The following THSD4 variants were observed in gnomAD, a reference collection of about 807,000 sequenced individuals.
THSD4 encodes thrombospondin type-1 domain-containing protein 4.
Under a neutral mutation model 119.0 loss-of-function variants are expected in THSD4, and 69 were observed. The observed-to-expected ratio is 0.58, with a 90% confidence interval of 0.48 to 0.71. The LOEUF (loss-of-function observed/expected upper bound fraction) is 0.71. Among genes scored for constraint, THSD4 ranks in the 30% least tolerant of loss-of-function variants. The pLI is 0.00. For synonymous variants in THSD4, 524 were observed against 540.4 expected (o/e 0.97, Z 0.42); for missense variants, 1,393 against 1,391.1 (o/e 1.00, Z -0.02).
chr15:71,661,401 A>AT (rs397797003), intron 8 of THSD4, among the ~76,000 whole-genome samples: 17,126 of 148,914 alleles, frequency 0.12, 1,034 homozygotes, highest in East Asian at 0.19. Context: ...TTATTTATTT[A>AT]TTTTTTTTTT....
intron 1 of THSD4, among the ~76,000 whole-genome samples, chr15:71,140,397 A>T (rs1330684341): frequency 6.6e-6 from 1 of 152,114 alleles, no homozygotes; most frequent in African/African-American, 2.4e-5. Context: ...TTTAACAATC[A>T]GATCTCACCC....
chr15:71,499,927 C>G (rs921574076), intron 7 of THSD4, among the ~76,000 whole-genome samples: 2 of 152,144 alleles, frequency 1.3e-5, no homozygotes, highest in Non-Finnish European at 2.9e-5. Context: ...TATTGTGAGT[C>G]ATGTAGCAGT....
intron 5 of THSD4, among the ~76,000 whole-genome samples, chr15:71,255,945 C>T (rs1292551363): frequency 6.6e-6 from 1 of 152,130 alleles, no homozygotes; most frequent in Non-Finnish European, 1.5e-5. Flanking sequence ...AGCAGATGGC[C>T]TCTTTGAGAG....
Position 71,377,887 on chromosome 15 carries a change from C to CACACACACACACACACACACAA in THSD4, c.1016-33779_1016-33778insAACACACACACACACACACACA, listed in dbSNP as rs1566961406. Among the ~76,000 whole-genome samples the CACACACACACACACACACACAA allele has an allele frequency of 6.0e-5, 5 of 82,870 alleles. 1 individual carries two copies. Among genetic ancestry groups the CACACACACACACACACACACAA allele is most frequent in the South Asian group, 3.9e-4 (1 of 2,534 alleles). The allele number at this position is 82,870 out of a possible 152,430, so 54.4% of individuals were successfully genotyped here. On this transcript the variant is annotated intron_variant, in intron 6 of 17. Transcript: ENST00000261862. ...TCCACAACACACACACACACACACA[C>CACACACACACACACACACACAA]ACACACACACACACACACACACACA...
chr15:71,494,466 A>G, intron 7 of THSD4, among the ~76,000 whole-genome samples: 1 of 152,280 alleles, frequency 6.6e-6, no homozygotes, highest in African/African-American at 2.4e-5. Flanking sequence ...CTTTTAATTA[A>G]ATACTTTTAA....
chr15:71,230,569 T>C (rs1168981413), intron 4 of THSD4, among the ~76,000 whole-genome samples: 2 of 152,204 alleles, frequency 1.3e-5, no homozygotes, highest in Admixed American at 1.3e-4. Context: ...GGCATTGTTA[T>C]CTCCATTTTG....
At position 71,164,825 on chromosome 15, in the gene THSD4, T is replaced by A. The variant is rs543608912; in HGVS notation, c.99+9893T>A. ...TTCATCTTCTTCATCTTCCTCCTCC[T>A]CCTCATCCTCTTCATCTTCCTCATC... On this transcript the variant is annotated intron_variant, in intron 3 of 17. Coordinates refer to ENST00000261862, the MANE Select transcript of THSD4 (RefSeq NM_024817.3). The A allele has an allele frequency of 1.8e-4, 287 of 1,593,350 alleles. No individual in the cohort carries two copies. The East Asian group carries it at 6.3e-3, about 35-fold the overall frequency.
chr15:71,137,302 A>C (rs766260419), intron 1 of THSD4, among the ~76,000 whole-genome samples: 2 of 151,964 alleles, frequency 1.3e-5, no homozygotes, highest in African/African-American at 2.4e-5. Context: ...TACAACCTAC[A>C]ATGGCTCTTT....
intron 6 of THSD4, among the ~76,000 whole-genome samples, chr15:71,328,079 C>T (rs1567197074): frequency 6.6e-6 from 1 of 152,196 alleles, no homozygotes; most frequent in African/African-American, 2.4e-5. Context: ...GGCTCAGAGG[C>T]GAGGCTTGTA....
intron 7 of THSD4, among the ~76,000 whole-genome samples, chr15:71,514,706 CTTA>C (rs2048331755): frequency 6.6e-6 from 1 of 152,116 alleles, no homozygotes; most frequent in African/African-American, 2.4e-5. Flanking sequence ...CTCCTATGGT[CTTA>C]TTATCCCGTG....
chr15:71,646,894 G>A (rs2050980399), intron 7 of THSD4, among the ~76,000 whole-genome samples: 1 of 152,166 alleles, frequency 6.6e-6, no homozygotes, highest in Admixed American at 6.5e-5. Flanking sequence ...ATAATGCCTA[G>A]GAGGAAGTAA....
At chr15:71,474,805 T>C (rs1371180462) in intron 7 of THSD4, among the ~76,000 whole-genome samples, 1 of 152,210 alleles carries the variant, frequency 6.6e-6, no homozygotes, top group Non-Finnish European at 1.5e-5. Context: ...TAGGTTGCTT[T>C]CTCTACTTGA....
intron 4 of THSD4, among the ~76,000 whole-genome samples, chr15:71,225,430 T>C (rs764012042): frequency 7.2e-5 from 11 of 152,158 alleles, no homozygotes; most frequent in Admixed American, 1.3e-4. Context: ...ATTGATGCAT[T>C]ATTGAGACCA....
chr15:71,641,290 G>T (rs1374778910), intron 7 of THSD4, among the ~76,000 whole-genome samples: 1 of 151,930 alleles, frequency 6.6e-6, no homozygotes, highest in Non-Finnish European at 1.5e-5. Flanking sequence ...GTAAGCCCCA[G>T]TCCAATGTCT....
At chr15:71,189,535 T>TGGCGGGCACCTGCAGTCCCAGC (rs2043648539) in intron 3 of THSD4, among the ~76,000 whole-genome samples, 2 of 152,138 alleles carry the variant, frequency 1.3e-5, no homozygotes, top group South Asian at 4.1e-4. Flanking sequence ...CCAGGCGCAG[T>TGGCGGGCACCTGCAGTCCCAGC]GGCGGGCACC....
chr15:71,338,432 C>T (rs1461871190), intron 6 of THSD4, among the ~76,000 whole-genome samples: 4 of 152,142 alleles, frequency 2.6e-5, no homozygotes, highest in East Asian at 1.9e-4. Context: ...TTCATACTCG[C>T]GCGTGGATCC....
intron 7 of THSD4, among the ~76,000 whole-genome samples, chr15:71,567,544 G>A (rs1595891052): frequency 6.6e-6 from 1 of 151,854 alleles, no homozygotes; most frequent in South Asian, 2.1e-4. Context: ...TACCGCTATA[G>A]GAGCATTACC....
intron 6 of THSD4, among the ~76,000 whole-genome samples, chr15:71,391,802 G>GAGGAAGATTAAA (rs2046382862): frequency 6.6e-6 from 1 of 152,198 alleles, no homozygotes; most frequent in African/African-American, 2.4e-5. Context: ...GAACACAAGA[G>GAGGAAGATTAAA]ACTCTCACAA....
intron 7 of THSD4, among the ~76,000 whole-genome samples, chr15:71,442,946 A>G (rs2047130368): frequency 6.6e-6 from 1 of 151,470 alleles, no homozygotes; most frequent in Non-Finnish European, 1.5e-5. Context: ...TGTTCTTGCT[A>G]GACTGTTTAT....
Sources: gnomAD v4.1 joint callset for allele counts (sites outside exome capture counted in the v4.1 genomes callset) on GRCh38, gnomAD v4.1.1 for gene constraint, MANE v1.5 for transcripts, NCBI Gene and HGNC (gene_info 2026-07-23, HGNC 2026-07-21) for gene names.